GALNTL6: variants seen among roughly 807,000 people sequenced by gnomAD.
GALNTL6 encodes the protein polypeptide N-acetylgalactosaminyltransferase like 6, also known as polypeptide N-acetylgalactosaminyltransferase-like 6.
A neutral mutation model predicts 73.7 loss-of-function variants in GALNTL6; 46 were observed. The ratio of observed to expected loss-of-function variants is 0.62; its 90% CI spans 0.49 to 0.80. The LOEUF is 0.80. Among genes scored for constraint, GALNTL6 ranks in the 30% least tolerant of loss-of-function variants. The pLI is 0.00. For synonymous variants in GALNTL6, 259 were observed against 263.7 expected, an observed-to-expected ratio of 0.98 and a Z score of 0.17; for missense variants, 604 against 755.0, an observed-to-expected ratio of 0.80 and a Z score of 2.34.
chr4:172,750,421 G>A (rs945727602), intron 5 of GALNTL6, among the ~76,000 whole-genome samples: 12 of 152,080 alleles, frequency 7.9e-5, no homozygotes, highest in Admixed American at 2.0e-4. Flanking sequence ...GGCAGGATTC[G>A]TACCTGCCAC....
intron 5 of GALNTL6, among the ~76,000 whole-genome samples, chr4:172,500,637 A>G (rs1177031236): frequency 1.3e-5 from 2 of 152,178 alleles, no homozygotes; most frequent in Non-Finnish European, 2.9e-5. Flanking sequence ...AGGAAAAAAA[A>G]ATCAAGCAAA....
At chr4:172,279,465 T>C (rs913750021) in intron 3 of GALNTL6, among the ~76,000 whole-genome samples, 2 of 152,154 alleles carry the variant, frequency 1.3e-5, no homozygotes, top group Admixed American at 1.3e-4. Context: ...AAAAATATGT[T>C]CTACATCACT....
At position 172,882,723 on chromosome 4, in the gene GALNTL6, T is replaced by TC. The variant is rs750487868; in HGVS notation, c.924-64dup. ...AAACATATCTTGAATTTTACTTTTT[T>TC]CCCAAGGAAAATGCCATTGTCTGTA... is the stretch of plus-strand genomic sequence containing the variant. On this transcript the variant is annotated intron_variant, in intron 7 of 12. Transcript: ENST00000506823. The TC allele has an allele frequency of 4.7e-6, 5 of 1,070,514 alleles. No homozygotes were observed. In the Admixed American group the frequency reaches 6.9e-5, roughly 15 times the overall value. 66.3% of individuals were successfully genotyped at this position (1,070,514 alleles called of 1,614,324 possible). A position where few individuals can be genotyped will look rare whatever the true frequency, so the allele number is the denominator to read the frequency against.
intron 7 of GALNTL6, among the ~76,000 whole-genome samples, chr4:172,838,820 T>TA (rs747557861): frequency 1.3e-5 from 2 of 152,284 alleles, no homozygotes; most frequent in Non-Finnish European, 2.9e-5. Context: ...CTAATTATAA[T>TA]AAAAAAGTCT....
At chr4:172,890,924 C>T (rs1233415905) in intron 8 of GALNTL6, among the ~76,000 whole-genome samples, 1 of 152,102 alleles carries the variant, frequency 6.6e-6, no homozygotes, top group Non-Finnish European at 1.5e-5. Flanking sequence ...TGAATTCAAC[C>T]ATTTGTCATT....
At position 173,007,462 on chromosome 4, in the gene GALNTL6, G is replaced by C. The variant is rs140815383; in HGVS notation, c.1372-1716G>C. ...TCAAGAATATCCATCTCTGCTACAGGCTGTGCTTCTGACACTATCAGGAAG... is the reference window on the plus strand; with the variant it reads ...TCAAGAATATCCATCTCTGCTACAGCCTGTGCTTCTGACACTATCAGGAAG... On this transcript the variant is annotated intron_variant, in intron 10 of 12. Coordinates refer to ENST00000506823, the MANE Select transcript of GALNTL6 (RefSeq NM_001034845.3). 2.4e-3 allele frequency among the ~76,000 whole-genome samples: 367 copies of C among 152,230 alleles called. 2 individuals are homozygous for C. Among genetic ancestry groups the C allele is most frequent in the African/African-American group, 8.4e-3 (347 of 41,532 alleles).
At chr4:172,453,659 C>G (rs1431795934) in intron 5 of GALNTL6, among the ~76,000 whole-genome samples, 5 of 152,216 alleles carry the variant, frequency 3.3e-5, no homozygotes, top group African/African-American at 7.2e-5. Context: ...AAAAGGTCAT[C>G]ATTAAAATAC....
chr4:171,930,870 A>G (rs563520715), intron 2 of GALNTL6, among the ~76,000 whole-genome samples: 1 of 152,274 alleles, frequency 6.6e-6, no homozygotes, highest in South Asian at 2.1e-4. Flanking sequence ...CAGGAACAGG[A>G]CAATTATATA....
At position 172,573,444 on chromosome 4, in the gene GALNTL6, A is replaced by G. The variant is rs566797099; in HGVS notation, c.553+224755A>G. On this transcript the variant is annotated intron_variant, in intron 5 of 12. Coordinates refer to ENST00000506823, the MANE Select transcript of GALNTL6 (RefSeq NM_001034845.3). ...TTCAATTAGGCGTTTAAAAAATAGA[A>G]TCATATTTCTATCAACTACAGACAG... is the stretch of plus-strand genomic sequence containing the variant. 2.0e-3 allele frequency among the ~76,000 whole-genome samples: 303 copies of G among 152,276 alleles called. 3 individuals are homozygous for G. The highest frequency in any genetic ancestry group is 3.4e-4 in the Non-Finnish European group (23 of 67,998).
chr4:172,649,453 T>G (rs1430829566), intron 5 of GALNTL6, among the ~76,000 whole-genome samples: 2 of 152,202 alleles, frequency 1.3e-5, no homozygotes, highest in African/African-American at 4.8e-5. Context: ...AGACACAAAA[T>G]GAATTTTTAA....
intron 4 of GALNTL6, among the ~76,000 whole-genome samples, chr4:172,348,264 A>T (rs1050768679): frequency 6.6e-6 from 1 of 152,226 alleles, no homozygotes; most frequent in Non-Finnish European, 1.5e-5. Flanking sequence ...CAAGAGCACA[A>T]CATTTCAAAA....
At chr4:171,977,784 T>C (rs1739765770) in intron 2 of GALNTL6, among the ~76,000 whole-genome samples, 1 of 152,328 alleles carries the variant, frequency 6.6e-6, no homozygotes, top group African/African-American at 2.4e-5. Context: ...CAAACTACTT[T>C]TGATTTTCTG....
intron 3 of GALNTL6, among the ~76,000 whole-genome samples, chr4:172,299,333 G>A (rs1293629104): frequency 6.6e-6 from 1 of 152,060 alleles, no homozygotes; most frequent in African/African-American, 2.4e-5. Context: ...TGGATTCATT[G>A]ACTTTTTGAA....
At chr4:172,410,435 A>C (rs1479587530) in intron 5 of GALNTL6, among the ~76,000 whole-genome samples, 1 of 152,076 alleles carries the variant, frequency 6.6e-6, no homozygotes, top group Non-Finnish European at 1.5e-5. Context: ...TCCGAAAAAT[A>C]TCTCTTAAAA....
chr4:172,400,726 T>C (rs1382786213), intron 5 of GALNTL6, among the ~76,000 whole-genome samples: 1 of 151,978 alleles, frequency 6.6e-6, no homozygotes, highest in Non-Finnish European at 1.5e-5. Context: ...GTTAGGATGA[T>C]GGCACAGAAG....
intron 2 of GALNTL6, among the ~76,000 whole-genome samples, chr4:172,162,012 A>C (rs1734483850): frequency 6.6e-6 from 1 of 152,082 alleles, no homozygotes; most frequent in South Asian, 2.1e-4. Flanking sequence ...AAGTTTGTTC[A>C]TGGGCACTAG....
At chr4:171,964,835 C>G (rs1292551958) in intron 2 of GALNTL6, among the ~76,000 whole-genome samples, 1 of 152,178 alleles carries the variant, frequency 6.6e-6, no homozygotes, top group Non-Finnish European at 1.5e-5. Flanking sequence ...TGCCCAACAC[C>G]ATTCCTCTTT....
At chr4:172,731,524 T>A (rs1736149509) in intron 5 of GALNTL6, among the ~76,000 whole-genome samples, 1 of 152,118 alleles carries the variant, frequency 6.6e-6, no homozygotes, top group South Asian at 2.1e-4. Context: ...ATCCTTTACA[T>A]TTTTTAGTCT....
intron 2 of GALNTL6, among the ~76,000 whole-genome samples, chr4:172,042,204 A>G (rs895573817): frequency 2.0e-5 from 3 of 152,068 alleles, no homozygotes; most frequent in Non-Finnish European, 4.4e-5. Flanking sequence ...ATTTTGCTTT[A>G]AGCCCTATGA....
Sources: allele counts gnomAD v4.1 joint callset (sites outside exome capture counted in the v4.1 genomes callset), GRCh38; gene constraint gnomAD v4.1.1; transcripts MANE v1.5; gene names NCBI Gene and HGNC (gene_info 2026-07-23, HGNC 2026-07-21).